Variants in INTS14 observed in about 807,000 individuals in gnomAD.
The protein encoded by INTS14 is integrator complex subunit 14, also known as UPF0464 protein C15orf44.
A neutral mutation model predicts 56.9 loss-of-function variants in INTS14; 27 were observed. The ratio of observed to expected loss-of-function variants is 0.47; its 90% CI spans 0.35 to 0.65. The LOEUF is 0.65. Ranked by LOEUF, INTS14 falls within the 30% of genes least tolerant of loss-of-function variation. The pLI is 0.00. For synonymous variants in INTS14, 207 were observed against 236.2 expected (o/e 0.88, Z 1.13); for missense variants, 517 against 632.2 (o/e 0.82, Z 1.95).
In INTS14 at chr15:65,605,241, T is replaced by C. The variant is rs781304876; in HGVS notation, c.223-5A>G. ...ATCCATATTACTTAGTGCTTCCTTA[T>C]TGAATAAAAGATAAAATTGCTAGTT... is the stretch of plus-strand genomic sequence containing the variant. On this transcript the variant is annotated splice_polypyrimidine_tract_variant and splice_region_variant and intron_variant, in intron 2 of 11. Transcript: ENST00000313182. 1.0e-5 allele frequency: 16 copies of C among 1,605,378 alleles called. No homozygotes were observed. The highest frequency in any genetic ancestry group is 3.3e-5 in the Admixed American group (2 of 59,850).
chr15:65,590,579 A>G (rs887224643), intron 9 of INTS14, among the ~76,000 whole-genome samples: 2 of 152,180 alleles, frequency 1.3e-5, no homozygotes, highest in African/African-American at 4.8e-5. Context: ...TCATTAGCTC[A>G]GCAAGTTCCT....
chr15:65,586,466 A>G (rs563232392), intron 9 of INTS14: 101 of 152,298 alleles, frequency 6.6e-4, no homozygotes, highest in African/African-American at 2.3e-3. Context: ...TACCCCTTCC[A>G]TGAAATTGTT....
chr15:65,604,554 C>A (rs745395160), intron 3 of INTS14, among the ~76,000 whole-genome samples: 51 of 151,832 alleles, frequency 3.4e-4, no homozygotes, highest in Non-Finnish European at 6.6e-4. Context: ...TATGGCAAAA[C>A]CTGGTCTCTA....
chr15:65,598,886 TAC>T lies in INTS14; in HGVS notation c.589_590del (p.Val197ThrfsTer27). On this transcript the variant is annotated frameshift_variant, in exon 5 of 12. Coordinates refer to ENST00000313182, the MANE Select transcript of INTS14 (RefSeq NM_001394796.1). LOFTEE classifies it high-confidence loss of function. ...TIDGPLCLKN[V>X]QSMFGKLIDL... The stretch of plus-strand genomic sequence containing the variant: ...CATATACTCACCCAAACATAGACTG[TAC>T]ATTCTTCAAGCACAGGGGGCCATCA... The T allele has an allele frequency of 6.2e-7, 1 of 1,613,508 alleles. No individual in the cohort carries two copies. Among genetic ancestry groups the T allele is most frequent in the Non-Finnish European group, 8.5e-7 (1 of 1,179,570 alleles).
chr15:65,592,769 A>G (rs1020365326), intron 8 of INTS14, among the ~76,000 whole-genome samples: 1 of 152,114 alleles, frequency 6.6e-6, no homozygotes, highest in African/African-American at 2.4e-5. Flanking sequence ...CTATCCCCTC[A>G]TTTTATAGAT....
intron 1 of INTS14, among the ~76,000 whole-genome samples, chr15:65,610,405 C>T (rs1206886141): frequency 6.6e-6 from 1 of 152,200 alleles, no homozygotes; most frequent in African/African-American, 2.4e-5. Context: ...ATTTTGTGAG[C>T]ACAACACTAT....
chr15:65,584,653 CATT>C (rs1471857524), intron 10 of INTS14, 114 bp downstream of exon 10: 6 of 823,082 alleles, frequency 7.3e-6, no homozygotes, highest in Non-Finnish European at 1.1e-5. Context: ...TAATGACAAA[CATT>C]AGAAGTAAAT....
chr15:65,591,016 T>C (rs1290969179), intron 9 of INTS14, among the ~76,000 whole-genome samples: 1 of 152,112 alleles, frequency 6.6e-6, no homozygotes, highest in Non-Finnish European at 1.5e-5. Flanking sequence ...AAATATGATA[T>C]GCAAATTCCA....
chr15:65,581,408 C>T (rs1235250163), intron 11 of INTS14, among the ~76,000 whole-genome samples: 1 of 143,450 alleles, frequency 7.0e-6, no homozygotes, highest in Non-Finnish European at 1.5e-5. Flanking sequence ...ATTAGCTGGG[C>T]GTGGTGGCAC....
chr15:65,594,104 A>C (rs1229014985), intron 7 of INTS14, among the ~76,000 whole-genome samples: 2 of 152,218 alleles, frequency 1.3e-5, no homozygotes, highest in African/African-American at 4.8e-5. Flanking sequence ...ACAGAATTAG[A>C]TACAGAGATG....
At chr15:65,591,035 T>C (rs1390549211) in intron 9 of INTS14, among the ~76,000 whole-genome samples, 2 of 152,138 alleles carry the variant, frequency 1.3e-5, no homozygotes, top group East Asian at 3.9e-4. Context: ...CAGGGAGAGA[T>C]CAGGTAAGAC....
At chr15:65,600,062 C>T in intron 3 of INTS14, 133 bp from the exon 4 acceptor site, 1 of 972,954 alleles carries the variant, frequency 1.0e-6, no homozygotes, top group Non-Finnish European at 1.5e-6. Context: ...AATCCCAGTG[C>T]TTTGGGAGGC....
Position 65,598,928 on chromosome 15 carries a change from C to T in INTS14, c.549G>A (p.Gly183=). The part of the protein sequence containing the change: ...ERLIDLNNGE[G]QIFTIDGPLC... ...GGGGGCCATCAATAGTAAAAATCTG[C>T]CCTTCACCATTGTTTAAATCTATGA... The change falls in exon 5 of 12, where the codon GGG becomes GGA. Residue 183 remains glycine (G), a synonymous_variant. Coordinates refer to ENST00000313182, the MANE Select transcript of INTS14 (RefSeq NM_001394796.1). 1 of 1,614,000 alleles carries T rather than the reference C, an allele frequency of 6.2e-7. No individual in the cohort carries two copies. Among genetic ancestry groups the T allele is most frequent in the Non-Finnish European group, 8.5e-7 (1 of 1,179,954 alleles).
At chr15:65,585,646 A>G (rs1566918799) in intron 9 of INTS14, among the ~76,000 whole-genome samples, 1 of 152,210 alleles carries the variant, frequency 6.6e-6, no homozygotes, top group Admixed American at 6.5e-5. Flanking sequence ...ACAAACTTAT[A>G]AAGCACACAT....
chr15:65,604,949 C>T (rs2073591296), intron 3 of INTS14, among the ~76,000 whole-genome samples, 180 bp downstream of exon 3: 1 of 152,196 alleles, frequency 6.6e-6, no homozygotes, highest in African/African-American at 2.4e-5. Context: ...TAAGGCATAA[C>T]TTTGCTGCTT....
intron 2 of INTS14, 57 bp from the exon 3 acceptor site, chr15:65,605,293 A>G: frequency 2.3e-6 from 3 of 1,310,596 alleles, no homozygotes; most frequent in Non-Finnish European, 3.3e-6. Context: ...TAGGTATTAG[A>G]AAACAACATA....
chr15:65,608,698 T>C (rs150090145), intron 1 of INTS14, among the ~76,000 whole-genome samples: 1 of 152,336 alleles, frequency 6.6e-6, no homozygotes, highest in African/African-American at 2.4e-5. Flanking sequence ...CAGAACTGTA[T>C]TATACACTGC....
rs565161473 is a variant in INTS14 at position 65,595,195 on chromosome 15, C to T, written c.841+538G>A. Among the ~76,000 whole-genome samples, 3 of 152,336 alleles carry T rather than the reference C, an allele frequency of 2.0e-5. No homozygotes were observed. The South Asian group carries it at 6.2e-4, about 32-fold the overall frequency. ...TTTTAAAGAGTTAGAGTCTAGCATT[C>T]TCCAGAGAGATGCTGAATTTGAGGA... On this transcript the variant is annotated intron_variant, in intron 7 of 11. Coordinates refer to ENST00000313182, the MANE Select transcript of INTS14 (RefSeq NM_001394796.1).
chr15:65,600,126 G>A (rs1232708040), intron 3 of INTS14, among the ~76,000 whole-genome samples, 197 bp from the exon 4 acceptor site: 2 of 151,802 alleles, frequency 1.3e-5, no homozygotes, highest in African/African-American at 4.8e-5. Context: ...GCAACATAAG[G>A]AGACCCCATC....
Sources: gnomAD v4.1 joint callset for allele counts (sites outside exome capture counted in the v4.1 genomes callset) on GRCh38, gnomAD v4.1.1 for gene constraint, MANE v1.5 for transcripts, NCBI Gene and HGNC (gene_info 2026-07-23, HGNC 2026-07-21) for gene names.